Variants in ST18 observed in about 807,000 individuals in gnomAD.
ST18 encodes ST18 C2H2C-type zinc finger transcription factor.
A neutral mutation model predicts 110.0 loss-of-function variants in ST18; 50 were observed. The ratio of observed to expected loss-of-function variants is 0.45; its 90% CI spans 0.36 to 0.58. The LOEUF (loss-of-function observed/expected upper bound fraction) is 0.58, where lower values mean the gene tolerates loss of function less well. Among genes scored for constraint, ST18 ranks in the 20% least tolerant of loss-of-function variants. The pLI is 0.00. For synonymous variants in ST18, 461 were observed against 452.4 expected, an observed-to-expected ratio of 1.02 and a Z score of -0.24; for missense variants, 1,306 against 1,280.1, an observed-to-expected ratio of 1.02 and a Z score of -0.31.
rs1267727978 is a variant in ST18 at position 52,379,167 on chromosome 8, C to T, written c.-465+30161G>A. 2.7e-4 allele frequency among the ~76,000 whole-genome samples: 41 copies of T among 149,698 alleles called. 1 individual carries two copies. The highest frequency in any genetic ancestry group is 2.6e-3 in the Admixed American group (38 of 14,868). ...AGGCTGAAGTGCAGTGGCTCAATCTCAGCCACTGCAACCTCTGCCTCCCAG... is the reference window on the plus strand; with the variant it reads ...AGGCTGAAGTGCAGTGGCTCAATCTTAGCCACTGCAACCTCTGCCTCCCAG... On this transcript the variant is annotated intron_variant, in intron 2 of 25. Transcript: ENST00000689386.
At chr8:52,180,074 T>C (rs151294387) in intron 9 of ST18, 48 bp downstream of exon 9, 154 of 1,588,088 alleles carry the variant, frequency 9.7e-5, no homozygotes, top group Admixed American at 1.5e-4. Context: ...TAGCACAGAG[T>C]CCTTGGAGCC....
At chr8:52,292,115 C>A (rs2095565227) in intron 2 of ST18, among the ~76,000 whole-genome samples, 1 of 152,192 alleles carries the variant, frequency 6.6e-6, no homozygotes. Context: ...ATTAACTCTT[C>A]TTTGAGAAAA....
At chr8:52,186,315 A>G (rs1386090405) in intron 8 of ST18, among the ~76,000 whole-genome samples, 2 of 152,232 alleles carry the variant, frequency 1.3e-5, no homozygotes, top group Admixed American at 1.3e-4. Flanking sequence ...ACACAAATGC[A>G]AACGTGCTCA....
In ST18 at chr8:52,136,658, A is replaced by T; in HGVS notation, c.2232T>A (p.Ser744Arg). Residue 744 changes from serine (S) to arginine (R), a missense_variant and splice_region_variant, in exon 19 of 26, where the codon AGT (serine) becomes AGA (arginine). By Grantham distance (110) the Ser-to-Arg change is moderately radical. Transcript: ENST00000689386. ...HVTGNYASHR[S>R]VSGCPLADKT... Reference sequence around the variant, plus strand: ...TATCTGCTAAAGGACATCCAGAAACACTAGAGAGGGATGAGGAAAAAAACA... The same window carrying T: ...TATCTGCTAAAGGACATCCAGAAACTCTAGAGAGGGATGAGGAAAAAAACA... 1 of 1,606,372 alleles carries T rather than the reference A, an allele frequency of 6.2e-7. No homozygotes were observed. The highest frequency in any genetic ancestry group is 1.7e-5 in the Admixed American group (1 of 58,920).
At chr8:52,267,290 C>A (rs1236361471) in intron 2 of ST18, among the ~76,000 whole-genome samples, 2 of 151,652 alleles carry the variant, frequency 1.3e-5, no homozygotes, top group African/African-American at 4.9e-5. Flanking sequence ...GAAAGAGGAC[C>A]CTGGGCTGGG....
chr8:52,180,473 C>A (rs2068968162), intron 8 of ST18, among the ~76,000 whole-genome samples, 161 bp from the exon 9 acceptor site: 1 of 152,100 alleles, frequency 6.6e-6, no homozygotes, highest in African/African-American at 2.4e-5. Flanking sequence ...GTGGACTCCA[C>A]TGAACTGTGT....
At chr8:52,197,653 GATAAA>G (rs1344214724) in intron 8 of ST18, among the ~76,000 whole-genome samples, 5 of 152,072 alleles carry the variant, frequency 3.3e-5, no homozygotes, top group Non-Finnish European at 5.9e-5. Flanking sequence ...AAGAAGGAAA[GATAAA>G]ATAAAAAGAA....
At chr8:52,372,267 A>T (rs1354447460) in intron 2 of ST18, among the ~76,000 whole-genome samples, 1 of 152,220 alleles carries the variant, frequency 6.6e-6, no homozygotes, top group Non-Finnish European at 1.5e-5. Flanking sequence ...AGCTTGCAGA[A>T]TAAAGATGTA....
intron 2 of ST18, among the ~76,000 whole-genome samples, chr8:52,317,663 C>CA (rs2096056352): frequency 1.3e-5 from 2 of 152,156 alleles, no homozygotes. Context: ...TTCATTTGTA[C>CA]AATAAAAGTT....
chr8:52,189,682 A>G (rs1417279884), intron 8 of ST18, among the ~76,000 whole-genome samples: 1 of 152,182 alleles, frequency 6.6e-6, no homozygotes, highest in Admixed American at 6.5e-5. Context: ...GGGAAAAAAG[A>G]CTGCACAAGC....
chr8:52,194,165 A>T (rs899451541), intron 8 of ST18, among the ~76,000 whole-genome samples: 5 of 152,214 alleles, frequency 3.3e-5, no homozygotes, highest in African/African-American at 1.2e-4. Context: ...TAAAATAACC[A>T]AGCCATTAAA....
At position 52,165,131 on chromosome 8, in the gene ST18, T is replaced by G; in HGVS notation, c.1295+4A>C. The G allele has an allele frequency of 6.2e-7, 1 of 1,614,116 alleles. No individual in the cohort carries two copies. The highest frequency in any genetic ancestry group is 8.5e-7 in the Non-Finnish European group (1 of 1,179,956). Reference sequence around the variant, plus strand: ...CAAAATGATTATCATCTAATGAGAATTACCTCCTGTGGGTGTTGCGGTTGC... The same window carrying G: ...CAAAATGATTATCATCTAATGAGAAGTACCTCCTGTGGGTGTTGCGGTTGC... On this transcript the variant is annotated splice_donor_region_variant and intron_variant, in intron 12 of 25. Transcript: ENST00000689386.
chr8:52,127,392 C>G (rs979045114), intron 22 of ST18, among the ~76,000 whole-genome samples: 13 of 152,164 alleles, frequency 8.5e-5, no homozygotes, highest in African/African-American at 3.1e-4. Context: ...AAGCTTCTCA[C>G]TGTCAACTGT....
intron 2 of ST18, among the ~76,000 whole-genome samples, chr8:52,283,574 C>A (rs2095421478): frequency 6.6e-6 from 1 of 152,086 alleles, no homozygotes; most frequent in East Asian, 1.9e-4. Context: ...GGTGGAGGTT[C>A]AGGGAAAGGA....
chr8:52,173,325 TG>T (rs748640758), intron 9 of ST18, among the ~76,000 whole-genome samples: 5 of 152,156 alleles, frequency 3.3e-5, no homozygotes, highest in Non-Finnish European at 5.9e-5. Flanking sequence ...TGAGACAAGG[TG>T]GGGCATTGGA....
At chr8:52,319,161 T>C (rs2096081309) in intron 2 of ST18, among the ~76,000 whole-genome samples, 1 of 152,176 alleles carries the variant, frequency 6.6e-6, no homozygotes, top group Admixed American at 6.5e-5. Context: ...TTGGTGAAAG[T>C]GGCCTGTAAT....
chr8:52,380,448 A>G (rs1590462864), intron 2 of ST18, among the ~76,000 whole-genome samples: 2 of 152,144 alleles, frequency 1.3e-5, no homozygotes, highest in East Asian at 3.9e-4. Flanking sequence ...AAAGTATACG[A>G]GGAATTTTCA....
At chr8:52,203,160 T>A (rs1198052226) in intron 8 of ST18, among the ~76,000 whole-genome samples, 1 of 152,166 alleles carries the variant, frequency 6.6e-6, no homozygotes, top group Admixed American at 6.6e-5. Flanking sequence ...AATTAAAAAT[T>A]GTTTTAAGGT....
At chr8:52,258,683 C>T (rs2094594849) in intron 2 of ST18, among the ~76,000 whole-genome samples, 1 of 152,106 alleles carries the variant, frequency 6.6e-6, no homozygotes, top group Non-Finnish European at 1.5e-5. Context: ...AATGGAAATA[C>T]TTTTGCTACT....
Sources: gnomAD v4.1 joint callset for allele counts (sites outside exome capture counted in the v4.1 genomes callset) on GRCh38, gnomAD v4.1.1 for gene constraint, MANE v1.5 for transcripts, NCBI Gene and HGNC (gene_info 2026-07-23, HGNC 2026-07-21) for gene names.